OTOR: variants seen among roughly 807,000 people sequenced by gnomAD.
The protein encoded by OTOR is fibrocyte-derived protein.
Under a neutral mutation model 15.9 loss-of-function variants are expected in OTOR, and 20 were observed. That is an observed-to-expected ratio of 1.26 (90% CI 0.89 to 1.83). The LOEUF is 1.83. Ranked by LOEUF, OTOR falls within the 40% of genes most tolerant of loss-of-function variation. The probability of loss-of-function intolerance (pLI) is 0.00; values close to 1 mark genes in which losing one functional copy is unlikely to be tolerated. For synonymous variants in OTOR, 53 were observed against 54.2 expected (o/e 0.98, Z 0.09); for missense variants, 184 against 159.0 (o/e 1.16, Z -0.85).
intron 3 of OTOR, 113 bp from the exon 4 acceptor site, chr20:16,750,982 T>C: frequency 1.2e-6 from 1 of 814,238 alleles, no homozygotes; most frequent in East Asian, 2.9e-5. Context: ...AACCTTTACT[T>C]ACTTTAAATC....
rs1353432148 is a variant in OTOR at position 16,749,289 on chromosome 20, T to C, written c.255+283T>C. 3 of 239,194 alleles carry C rather than the reference T, an allele frequency of 1.3e-5. No individual in the cohort carries two copies. In the East Asian group the frequency reaches 2.7e-4, roughly 22 times the overall value. The allele number at this position is 239,194 out of a possible 1,614,324, so 14.8% of individuals were successfully genotyped here. Reference sequence around the variant, plus strand: ...AATTTGAATCTTATCCGAAAACGTCTGAGAAGATTTGCCAAGTAGAAGGCA... The same window carrying C: ...AATTTGAATCTTATCCGAAAACGTCCGAGAAGATTTGCCAAGTAGAAGGCA... On this transcript the variant is annotated intron_variant, in intron 2 of 3. Transcript: ENST00000246081.
chr20:16,748,513 G>T lies in OTOR; in HGVS notation c.112G>T (p.Val38Phe), dbSNP rs1178838181. The T allele has an allele frequency of 6.4e-7, 1 of 1,570,140 alleles. No homozygotes were observed. Among genetic ancestry groups the T allele is most frequent in the East Asian group, 2.2e-5 (1 of 44,662 alleles). ...GAAGCTCTGTGCAGATGATGAGTGT[G>T]TCTGTAAGGACTTTTTTATGCTTTT... is the stretch of plus-strand genomic sequence containing the variant. ...SKKLCADDEC[V>F]YTISLASAQE... The change falls in exon 1 of 4, where the codon GTC (valine) becomes TTC (phenylalanine). Residue 38 changes from valine (V) to phenylalanine (F), a missense_variant. Coordinates refer to ENST00000246081, the MANE Select transcript of OTOR (RefSeq NM_020157.4).
intron 3 of OTOR, among the ~76,000 whole-genome samples, chr20:16,750,253 C>A (rs1374394835): frequency 1.3e-5 from 2 of 152,100 alleles, no homozygotes; most frequent in African/African-American, 4.8e-5. Context: ...TTTGTCTCAT[C>A]TTTTTTCTAT....
intron 3 of OTOR, 38 bp from the exon 4 acceptor site, chr20:16,751,057 A>G (rs201139292): frequency 1.4e-6 from 2 of 1,480,576 alleles, no homozygotes; most frequent in Admixed American, 2.2e-5. Flanking sequence ...AGCCTAGGCT[A>G]TTTCGTTCAA....
chr20:16,748,691 T>C (rs1332016038), intron 1 of OTOR, among the ~76,000 whole-genome samples, 175 bp downstream of exon 1: 1 of 152,230 alleles, frequency 6.6e-6, no homozygotes, highest in African/African-American at 2.4e-5. Context: ...TTCACTTGGC[T>C]GAGTTTTGTT....
intron 3 of OTOR, 106 bp downstream of exon 3, chr20:16,750,116 C>T (rs747878382): frequency 6.0e-5 from 42 of 695,774 alleles, no homozygotes; most frequent in Non-Finnish European, 8.1e-5. Context: ...ACAAAGCCTC[C>T]AACTTTCAGT....
In OTOR at chr20:16,748,979, T is replaced by C. The variant is rs1205176809; in HGVS notation, c.228T>C (p.Asn76=). Residue 76 remains asparagine, a synonymous_variant, in exon 2 of 4, where the codon AAT becomes AAC. Coordinates refer to ENST00000246081, the MANE Select transcript of OTOR (RefSeq NM_020157.4). ...TGTACTCAAAGCTGGTAAAAGAAAA[T>C]GGAGCTGGAGAATTTTGGGCTGGCA... ...IYVYSKLVKE[N]GAGEFWAGSV... is the part of the protein sequence containing the mutation. The C allele has an allele frequency of 1.2e-6, 2 of 1,603,522 alleles. No homozygotes were observed. The highest frequency in any genetic ancestry group is 1.7e-6 in the Non-Finnish European group (2 of 1,177,610).
rs778893361 is a variant in OTOR, at chr20:16,749,982, A to C, written c.335A>C (p.Gln112Pro). 21 of 1,613,246 alleles carry C rather than the reference A, an allele frequency of 1.3e-5. 1 individual carries two copies. Among genetic ancestry groups the C allele is most frequent in the Admixed American group, 3.3e-5 (2 of 59,980 alleles). ...TTGGTCAAGGAACAGCGTGTGTACC[A>C]GGAAGCTACCAAGGAAGTTCCCACC... The part of the protein sequence containing the change: ...RNLVKEQRVY[Q>P]EATKEVPTTD... The change falls in exon 3 of 4, where the codon CAG becomes CCG. Residue 112 changes from glutamine (Q) to proline (P), a missense_variant. Physicochemically the swap from Gln to Pro is moderately conservative, Grantham distance 76 (BLOSUM62 -1). Coordinates refer to ENST00000246081, the MANE Select transcript of OTOR (RefSeq NM_020157.4).
chr20:16,749,756 A>AAG (rs2072516085), intron 2 of OTOR, 147 bp from the exon 3 acceptor site: 11 of 599,006 alleles, frequency 1.8e-5, no homozygotes, highest in Non-Finnish European at 3.0e-5. Flanking sequence ...TAAACTTCGG[A>AAG]TTTGCCGCAG....
Position 16,749,930 on chromosome 20 carries a change from G to T in OTOR, c.283G>T (p.Gly95Ter). 6.2e-7 allele frequency: 1 copy of T among 1,613,550 alleles called. No homozygotes were observed. The highest frequency in any genetic ancestry group is 8.5e-7 in the Non-Finnish European group (1 of 1,179,568). Residue 95 changes from glycine (G) to a stop codon, truncating the protein, a stop_gained, in exon 3 of 4, where the codon GGA becomes TGA. Coordinates refer to ENST00000246081, the MANE Select transcript of OTOR (RefSeq NM_020157.4). LOFTEE classifies it high-confidence loss of function. ...SVYGDGQDEMGVVGYFPRNLV... is the reference protein window; with the variant it reads ...SVYGDGQDEM ...TTATGGTGATGGCCAGGACGAGATG[G>T]GAGTCGTGGGTTATTTCCCCAGGAA... is the stretch of plus-strand genomic sequence containing the variant.
chr20:16,751,946 A>G lies in OTOR; in HGVS notation c.*828A>G, dbSNP rs765823427. ...AGGTTATTTTCTCTACTTCTATTTC[A>G]ACTTTGAATTTCCTCTTCCTGTGCA... is the stretch of plus-strand genomic sequence containing the variant. On this transcript the variant is annotated 3_prime_UTR_variant, in exon 4 of 4. Coordinates refer to ENST00000246081, the MANE Select transcript of OTOR (RefSeq NM_020157.4). 2.0e-5 allele frequency: 3 copies of G among 152,110 alleles called. No individual in the cohort carries two copies. The highest frequency in any genetic ancestry group is 4.4e-5 in the Non-Finnish European group (3 of 68,014). 9.4% of individuals were successfully genotyped at this position (152,110 alleles called of 1,614,324 possible). A position where few individuals can be genotyped will look rare whatever the true frequency, so the allele number is the denominator to read the frequency against.
intron 1 of OTOR, 52 bp from the exon 2 acceptor site, chr20:16,748,814 GT>G: frequency 7.2e-7 from 1 of 1,394,304 alleles, no homozygotes; most frequent in Non-Finnish European, 9.7e-7. Context: ...GCCTTTTACT[GT>G]TATAAAATTC....
chr20:16,751,146 G>C lies in OTOR; in HGVS notation c.*28G>C, dbSNP rs1468521355. ...AATTAGTTAAAACTGCAAATAGAAA[G>C]AAAACACCAAAAATAAAGAAAAGAG... is the stretch of plus-strand genomic sequence containing the variant. On this transcript the variant is annotated 3_prime_UTR_variant, in exon 4 of 4. Coordinates refer to ENST00000246081, the MANE Select transcript of OTOR (RefSeq NM_020157.4). 2 of 1,467,684 alleles carry C rather than the reference G, an allele frequency of 1.4e-6. No homozygotes were observed. Among genetic ancestry groups the C allele is most frequent in the African/African-American group, 2.9e-5 (2 of 69,830 alleles). 90.9% of individuals were successfully genotyped at this position (1,467,684 alleles called of 1,614,324 possible). A position where few individuals can be genotyped will look rare whatever the true frequency, so the allele number is the denominator to read the frequency against.
chr20:16,750,995 A>G, intron 3 of OTOR, 100 bp from the exon 4 acceptor site: 1 of 926,118 alleles, frequency 1.1e-6, no homozygotes, highest in South Asian at 1.7e-5. Context: ...TTTAAATCCA[A>G]ATTTCTCTGA....
Position 16,751,236 on chromosome 20 carries a change from C to A in OTOR, c.*118C>A. ...GACGTTTTAAGAATTTGTTACCTTA[C>A]AGAAGAGCAAGGGCTTAGGGGTTGG... On this transcript the variant is annotated 3_prime_UTR_variant, in exon 4 of 4. Coordinates refer to ENST00000246081, the MANE Select transcript of OTOR (RefSeq NM_020157.4). 1 of 720,256 alleles carries A rather than the reference C, an allele frequency of 1.4e-6. No individual in the cohort carries two copies. The highest frequency in any genetic ancestry group is 2.3e-6 in the Non-Finnish European group (1 of 438,056). 44.6% of individuals were successfully genotyped at this position (720,256 alleles called of 1,614,324 possible).
intron 1 of OTOR, 105 bp from the exon 2 acceptor site, chr20:16,748,762 A>T: frequency 4.6e-6 from 4 of 878,052 alleles, no homozygotes; most frequent in Middle Eastern, 7.0e-4. Flanking sequence ...TGAACTGGGA[A>T]TTATCAGTCA....
chr20:16,750,097 T>C lies in OTOR; in HGVS notation c.363+87T>C, dbSNP rs560421825. The C allele has an allele frequency of 2.0e-5, 18 of 880,032 alleles. No individual in the cohort carries two copies. The East Asian group carries it at 2.9e-4, about 14-fold the overall frequency. The allele number at this position is 880,032 out of a possible 1,614,324, so 54.5% of individuals were successfully genotyped here. ...AAAAATGCATCATGCAACTTACAAG[T>C]TGTATAGAACAAAGCCTCCAACTTT... is the stretch of plus-strand genomic sequence containing the variant. On this transcript the variant is annotated intron_variant, in intron 3 of 3. Coordinates refer to ENST00000246081, the MANE Select transcript of OTOR (RefSeq NM_020157.4).
intron 2 of OTOR, 26 bp from the exon 3 acceptor site, chr20:16,749,877 T>G (rs6135878): frequency 5.2e-5 from 78 of 1,492,996 alleles, no homozygotes; most frequent in Admixed American, 1.2e-4. Context: ...AGCTTTTTCC[T>G]GATTGCTATT....
intron 2 of OTOR, chr20:16,749,279 C>T (rs555870580): frequency 1.1e-4 from 28 of 261,068 alleles, no homozygotes; most frequent in Non-Finnish European, 1.7e-4. Context: ...GAATCTTATC[C>T]GAAAACGTCT....
Sources: gnomAD v4.1 joint callset for allele counts (sites outside exome capture counted in the v4.1 genomes callset) on GRCh38, gnomAD v4.1.1 for gene constraint, MANE v1.5 for transcripts, NCBI Gene and HGNC (gene_info 2026-07-23, HGNC 2026-07-21) for gene names.